The following ASCC3 variants were observed in gnomAD, a reference collection of about 807,000 sequenced individuals.
ASCC3 encodes activating signal cointegrator 1 complex subunit 3.
Under a neutral mutation model 256.3 loss-of-function variants are expected in ASCC3, and 158 were observed. The observed-to-expected ratio is 0.62, with a 90% CI of 0.54 to 0.70. The LOEUF (loss-of-function observed/expected upper bound fraction) is 0.70, where lower values mean the gene tolerates loss of function less well. ASCC3 is among the 30% of genes least tolerant of loss of function. The pLI is 0.00. For synonymous variants in ASCC3, 948 were observed against 883.4 expected (o/e 1.07, Z -1.30); for missense variants, 2,259 against 2,626.0 (o/e 0.86, Z 3.05).
At chr6:100,608,506 T>C (rs190286504) in intron 30 of ASCC3, among the ~76,000 whole-genome samples, 2 of 4,800 alleles carry the variant, frequency 4.2e-4, no homozygotes, top group African/African-American at 1.3e-3. Flanking sequence ...ATATATATAC[T>C]TTATATATAT....
At chr6:100,775,481 C>T (rs1782144234) in intron 8 of ASCC3, among the ~76,000 whole-genome samples, 1 of 152,010 alleles carries the variant, frequency 6.6e-6, no homozygotes, top group Non-Finnish European at 1.5e-5. Context: ...GACCTAAACT[C>T]AGTTTGTCCT....
intron 40 of ASCC3, among the ~76,000 whole-genome samples, chr6:100,511,038 T>G (rs577116725): frequency 6.6e-6 from 1 of 152,330 alleles, no homozygotes; most frequent in Admixed American, 6.5e-5. Flanking sequence ...AAATCATAGT[T>G]TTCCCCCATG....
At chr6:100,538,183 C>T (rs1366916835) in intron 37 of ASCC3, among the ~76,000 whole-genome samples, 1 of 152,060 alleles carries the variant, frequency 6.6e-6, no homozygotes, top group Non-Finnish European at 1.5e-5. Context: ...TTCTCTTCAA[C>T]CCTTTCTGAC....
chr6:100,635,788 T>G (rs796930920), intron 25 of ASCC3, among the ~76,000 whole-genome samples: 2 of 152,164 alleles, frequency 1.3e-5, no homozygotes, highest in African/African-American at 4.8e-5. Flanking sequence ...ACTTGACTTG[T>G]AATGTATTTG....
chr6:100,593,491 T>A (rs1772112197), intron 34 of ASCC3, among the ~76,000 whole-genome samples: 1 of 152,158 alleles, frequency 6.6e-6, no homozygotes, highest in Non-Finnish European at 1.5e-5. Context: ...TTAATACTGA[T>A]GAAATTTCAC....
chr6:100,862,198 A>T (rs1773257346), intron 3 of ASCC3, among the ~76,000 whole-genome samples: 1 of 152,160 alleles, frequency 6.6e-6, no homozygotes. Flanking sequence ...TGTATTCTTA[A>T]AATATAAAGT....
At position 100,834,103 on chromosome 6, in the gene ASCC3, A is replaced by G. The variant is rs1223411503; in HGVS notation, c.801+14045T>C. 2.6e-5 allele frequency among the ~76,000 whole-genome samples: 4 copies of G among 152,300 alleles called. No homozygotes were observed. In the East Asian group the frequency reaches 7.7e-4, roughly 29 times the overall value. On this transcript the variant is annotated intron_variant, in intron 4 of 41. Transcript: ENST00000369162. ...TATCTAGCTAAATGTCTTATATATA[A>G]AAGATGCTTATCAAATCTTTGTGGA... is the stretch of plus-strand genomic sequence containing the variant.
chr6:100,691,780 T>A (rs1470417596), intron 13 of ASCC3, among the ~76,000 whole-genome samples: 2 of 152,002 alleles, frequency 1.3e-5, no homozygotes, highest in East Asian at 3.9e-4. Flanking sequence ...GCCAGACTAA[T>A]CTATATAACA....
intron 37 of ASCC3, chr6:100,530,475 C>G (rs2001102): frequency 1.3e-6 from 1 of 796,316 alleles, no homozygotes; most frequent in East Asian, 2.4e-5. Flanking sequence ...GAAGTTAGAA[C>G]AACTGTACAA....
intron 4 of ASCC3, among the ~76,000 whole-genome samples, chr6:100,812,337 T>A (rs933919988): frequency 1.3e-5 from 2 of 152,198 alleles, no homozygotes; most frequent in Admixed American, 1.3e-4. Context: ...AGAAATTGCC[T>A]GTGAAGGTAA....
Position 100,509,917 on chromosome 6 carries a change from T to C in ASCC3, c.6461+15A>G, listed in dbSNP as rs1399099949. ...AAAAAAAAAAAGAGAACTTTGGTAGTAGGATTCTTCTTACCTTCCAGGTAT... is the reference window on the plus strand; with the variant it reads ...AAAAAAAAAAAGAGAACTTTGGTAGCAGGATTCTTCTTACCTTCCAGGTAT... On this transcript the variant is annotated intron_variant, in intron 41 of 41. Coordinates refer to ENST00000369162, the MANE Select transcript of ASCC3 (RefSeq NM_006828.4). 6.2e-7 allele frequency: 1 copy of C among 1,603,876 alleles called. No individual in the cohort carries two copies. Among genetic ancestry groups the C allele is most frequent in the East Asian group, 2.2e-5 (1 of 44,800 alleles).
chr6:100,609,992 A>C (rs1773311013), intron 30 of ASCC3, among the ~76,000 whole-genome samples: 1 of 152,204 alleles, frequency 6.6e-6, no homozygotes. Context: ...AACATAAGGC[A>C]CAGCATAAGG....
intron 39 of ASCC3, among the ~76,000 whole-genome samples, chr6:100,514,225 A>C (rs1265498731): frequency 6.6e-6 from 1 of 152,160 alleles, no homozygotes; most frequent in Admixed American, 6.6e-5. Flanking sequence ...TGGTACTTCA[A>C]TCTGTACAAC....
intron 34 of ASCC3, among the ~76,000 whole-genome samples, chr6:100,595,537 T>G (rs1772248068): frequency 6.6e-6 from 1 of 152,168 alleles, no homozygotes; most frequent in Non-Finnish European, 1.5e-5. Context: ...GTTTGTTTTT[T>G]GGGGGGCATC....
intron 8 of ASCC3, among the ~76,000 whole-genome samples, chr6:100,796,182 C>T (rs1769602980): frequency 6.6e-6 from 1 of 151,960 alleles, no homozygotes; most frequent in South Asian, 2.1e-4. Context: ...AAATAAAAAA[C>T]AGTGACAACA....
chr6:100,713,291 C>T (rs945306832), intron 13 of ASCC3, among the ~76,000 whole-genome samples: 3 of 151,970 alleles, frequency 2.0e-5, no homozygotes, highest in African/African-American at 7.3e-5. Context: ...ACCTAGAATA[C>T]CTATCACTAA....
intron 14 of ASCC3, among the ~76,000 whole-genome samples, chr6:100,668,491 C>T (rs768083981): frequency 6.6e-6 from 1 of 151,788 alleles, no homozygotes; most frequent in Non-Finnish European, 1.5e-5. Context: ...AACAGCTGGG[C>T]TTTCAAATTT....
intron 39 of ASCC3, among the ~76,000 whole-genome samples, chr6:100,514,599 A>G (rs904068057): frequency 6.6e-6 from 1 of 151,510 alleles, no homozygotes; most frequent in Non-Finnish European, 1.5e-5. Context: ...GTGTACACAT[A>G]TATTTATTGG....
intron 8 of ASCC3, among the ~76,000 whole-genome samples, chr6:100,776,529 T>A (rs1374250582): frequency 6.6e-6 from 1 of 152,086 alleles, no homozygotes; most frequent in Non-Finnish European, 1.5e-5. Context: ...TCTTACATAT[T>A]TGGGACTCAC....
Sources: allele counts gnomAD v4.1 joint callset (sites outside exome capture counted in the v4.1 genomes callset), GRCh38; gene constraint gnomAD v4.1.1; transcripts MANE v1.5; gene names NCBI Gene and HGNC (gene_info 2026-07-23, HGNC 2026-07-21).